SVIL: variants seen among roughly 807,000 people sequenced by gnomAD.
SVIL encodes archvillin.
SVIL carries 101 observed loss-of-function variants against 240.4 expected under a neutral mutation model. The observed-to-expected ratio is 0.42, with a 90% CI of 0.36 to 0.50. The LOEUF is 0.50. Ranked by LOEUF, SVIL falls within the 20% of genes least tolerant of loss-of-function variation. SVIL has a pLI of 0.01. For missense variants in SVIL, 2,512 were observed against 2,818.7 expected (o/e 0.89, Z 2.46); for synonymous variants, 999 against 1,100.0 (o/e 0.91, Z 1.82).
Position 29,523,535 on chromosome 10 carries a change from C to T in SVIL, c.3079G>A (p.Gly1027Arg). Residue 1027 changes from glycine to arginine, a missense_variant, in exon 15 of 38, where the codon GGA becomes AGA. By Grantham distance (125) the Gly-to-Arg change is moderately radical. Transcript: ENST00000355867. ...EFSMAKMNAQ[G>R]NLDLRDRLPF... ...AGCCTGTCCCTCAAGTCCAAGTTTCCTTGTGCATTCATTTTAGCCATGGAA... is the reference window on the plus strand; with the variant it reads ...AGCCTGTCCCTCAAGTCCAAGTTTCTTTGTGCATTCATTTTAGCCATGGAA... 6.2e-7 allele frequency: 1 copy of T among 1,614,184 alleles called. No individual in the cohort carries two copies. The highest frequency in any genetic ancestry group is 8.5e-7 in the Non-Finnish European group (1 of 1,180,034).
At chr10:29,673,958 A>T (rs1003416559) in intron 2 of SVIL, among the ~76,000 whole-genome samples, 1 of 152,214 alleles carries the variant, frequency 6.6e-6, no homozygotes, top group African/African-American at 2.4e-5. Flanking sequence ...TCATCTTTGA[A>T]TGATAATGCG....
chr10:29,599,659 C>T (rs533080589), intron 1 of SVIL, among the ~76,000 whole-genome samples: 11 of 152,126 alleles, frequency 7.2e-5, no homozygotes, highest in African/African-American at 2.2e-4. Flanking sequence ...TCAGATGATC[C>T]GCCCACCTTG....
At chr10:29,466,259 ATATAT>A (rs1404639765) in intron 33 of SVIL, among the ~76,000 whole-genome samples, 9 of 151,798 alleles carry the variant, frequency 5.9e-5, no homozygotes, top group South Asian at 2.1e-4. Context: ...ATAAATATAC[ATATAT>A]TGTATTTTAT....
At chr10:29,632,196 T>C (rs1375421339) in intron 1 of SVIL, among the ~76,000 whole-genome samples, 1 of 152,094 alleles carries the variant, frequency 6.6e-6, no homozygotes, top group Non-Finnish European at 1.5e-5. Flanking sequence ...AACTGTAGAA[T>C]ATTAAATAAC....
intron 1 of SVIL, among the ~76,000 whole-genome samples, chr10:29,571,386 C>A (rs1955409771): frequency 6.6e-6 from 1 of 152,194 alleles, no homozygotes; most frequent in East Asian, 1.9e-4. Flanking sequence ...TCGGAGGAGT[C>A]AGATACAACT....
At chr10:29,562,861 G>T (rs921891288) in intron 3 of SVIL, among the ~76,000 whole-genome samples, 3 of 151,866 alleles carry the variant, frequency 2.0e-5, no homozygotes, top group Non-Finnish European at 4.4e-5. Context: ...AGAAATGGGG[G>T]TATGGTCAGA....
intron 1 of SVIL, among the ~76,000 whole-genome samples, chr10:29,631,636 G>A (rs545913578): frequency 2.6e-5 from 4 of 152,272 alleles, no homozygotes; most frequent in Admixed American, 6.5e-5. Context: ...TTAGCCGGGC[G>A]TGGTGGCGGA....
chr10:29,607,365 G>A (rs989626773), intron 1 of SVIL, among the ~76,000 whole-genome samples: 2 of 151,992 alleles, frequency 1.3e-5, no homozygotes, highest in Non-Finnish European at 2.9e-5. Context: ...TGTGAACTTC[G>A]GAATCTCCTT....
intron 1 of SVIL, among the ~76,000 whole-genome samples, chr10:29,597,171 G>C (rs754245067): frequency 6.6e-6 from 1 of 152,200 alleles, no homozygotes; most frequent in African/African-American, 2.4e-5. Flanking sequence ...GGGCATACGC[G>C]TTAAGAGACA....
intron 36 of SVIL, among the ~76,000 whole-genome samples, chr10:29,461,884 T>C (rs982130572): frequency 2.6e-5 from 4 of 152,198 alleles, no homozygotes; most frequent in African/African-American, 9.7e-5. Context: ...GTGTCTCCTC[T>C]ACACAAGGTT....
intron 1 of SVIL, chr10:29,576,247 C>G (rs1479535712): frequency 5.5e-6 from 2 of 365,162 alleles, no homozygotes; most frequent in African/African-American, 2.2e-5. Context: ...CCCTTGTGCA[C>G]TCTTCTTCTC....
chr10:29,700,810 T>A (rs1962460595), intron 1 of SVIL, among the ~76,000 whole-genome samples: 1 of 152,104 alleles, frequency 6.6e-6, no homozygotes. Flanking sequence ...GAGTTACCTG[T>A]GGCACCCCTA....
At chr10:29,587,337 G>A (rs574877092) in intron 1 of SVIL, among the ~76,000 whole-genome samples, 2 of 152,302 alleles carry the variant, frequency 1.3e-5, no homozygotes, top group East Asian at 3.9e-4. Context: ...CACCGCCTCT[G>A]CCAGCCAGTC....
At chr10:29,578,277 C>T (rs539871986) in intron 1 of SVIL, among the ~76,000 whole-genome samples, 2 of 152,332 alleles carry the variant, frequency 1.3e-5, no homozygotes, top group East Asian at 1.9e-4. Context: ...ACCATATGCA[C>T]GATTTCCTTC....
chr10:29,459,294 T>C (rs1464185155), intron 36 of SVIL, among the ~76,000 whole-genome samples: 3 of 152,118 alleles, frequency 2.0e-5, no homozygotes, highest in African/African-American at 7.2e-5. Context: ...AAAAAATTTT[T>C]TTGTAGAGAT....
At position 29,528,318 on chromosome 10, in the gene SVIL, A is replaced by G. The variant is rs559714686; in HGVS notation, c.2247-1262T>C. The stretch of plus-strand genomic sequence containing the variant: ...AGGCAGCTGATCTAACAGCAGGTCT[A>G]CAGAACGGGGCACTGACATAGAGGC... On this transcript the variant is annotated intron_variant, in intron 12 of 37. Transcript: ENST00000355867. 1.6e-4 allele frequency among the ~76,000 whole-genome samples: 25 copies of G among 152,300 alleles called. 1 individual carries two copies. Among genetic ancestry groups the G allele is most frequent in the Middle Eastern group, 6.8e-3 (2 of 294 alleles).
chr10:29,584,131 G>A (rs948624587), intron 1 of SVIL, among the ~76,000 whole-genome samples: 6 of 152,220 alleles, frequency 3.9e-5, no homozygotes, highest in Non-Finnish European at 7.3e-5. Context: ...GATGGCAATA[G>A]GTGAACAGGG....
chr10:29,681,023 A>G (rs1385784698), intron 2 of SVIL, among the ~76,000 whole-genome samples: 2 of 152,112 alleles, frequency 1.3e-5, no homozygotes, highest in African/African-American at 4.8e-5. Flanking sequence ...CAGGGGCAGG[A>G]GACGGAAAGT....
intron 1 of SVIL, among the ~76,000 whole-genome samples, chr10:29,734,374 G>A (rs1025895636): frequency 3.3e-5 from 5 of 152,118 alleles, no homozygotes; most frequent in African/African-American, 1.2e-4. Flanking sequence ...AGTCCATAAA[G>A]CGCTCTTCAG....
Sources: allele counts gnomAD v4.1 joint callset (sites outside exome capture counted in the v4.1 genomes callset), GRCh38; gene constraint gnomAD v4.1.1; transcripts MANE v1.5; gene names NCBI Gene and HGNC (gene_info 2026-07-23, HGNC 2026-07-21).